AHCY: variants seen among roughly 807,000 people sequenced by gnomAD.
AHCY encodes adenosylhomocysteinase.
AHCY carries 24 observed loss-of-function variants against 45.4 expected under a neutral mutation model. The observed-to-expected ratio is 0.53, with a 90% CI of 0.38 to 0.74. AHCY has a LOEUF of 0.74. Ranked by LOEUF, AHCY falls within the 30% of genes least tolerant of loss-of-function variation. The pLI, the probability that AHCY is intolerant of heterozygous loss-of-function variation, is 0.00. For missense variants in AHCY, 449 were observed against 594.1 expected (o/e 0.76, Z 2.54); for synonymous variants, 245 against 235.1 (o/e 1.04, Z -0.39).
At chr20:34,236,355 C>T in the AHCY span, among the ~76,000 whole-genome samples, 1 of 151,900 alleles carries the variant, frequency 6.6e-6, no homozygotes, top group East Asian at 1.9e-4. Flanking sequence ...GCCTGGCCAA[C>T]ATGGTGAAAC....
At chr20:34,283,306 G>A (rs886471158) in intron 9 of AHCY, among the ~76,000 whole-genome samples, 1 of 152,078 alleles carries the variant, frequency 6.6e-6, no homozygotes, top group African/African-American at 2.4e-5. Flanking sequence ...AGAGCAAGTC[G>A]GTCTCTACAC....
At chr20:34,261,524 C>T in the AHCY span, among the ~76,000 whole-genome samples, 2 of 152,278 alleles carry the variant, frequency 1.3e-5, no homozygotes, top group East Asian at 1.9e-4. Flanking sequence ...GTCCTAGCTA[C>T]TTGGGAGGCT....
chr20:34,284,187 G>T (rs536754880), intron 9 of AHCY, among the ~76,000 whole-genome samples: 5 of 152,040 alleles, frequency 3.3e-5, no homozygotes, highest in African/African-American at 1.2e-4. Context: ...TTGAGACAGG[G>T]TCTCACTCTG....
Position 34,290,782 on chromosome 20 carries a change from C to G in AHCY, c.715G>C (p.Val239Leu). 1 of 1,614,040 alleles carries G rather than the reference C, an allele frequency of 6.2e-7. No individual in the cohort carries two copies. The highest frequency in any genetic ancestry group is 8.5e-7 in the Non-Finnish European group (1 of 1,180,028). ...AQALRGFGAR[V>L]IITEIDPINA... ...ATGGGGTCAATCTCGGTGATGATGA[C>G]GCGGGCTCCGAAACCCCGCAGGGCC... Residue 239 changes from valine (V) to leucine (L), a missense_variant, in exon 6 of 10, where the codon GTC becomes CTC. Val to Leu is a conservative substitution (Grantham distance 32). Transcript: ENST00000217426. This position sits in a 1 kb window ranked among gnomAD's most constrained non-coding sequence, Gnocchi z 4.5.
At position 34,303,348 on chromosome 20, in the gene AHCY, G is replaced by A. The variant is rs538223864; in HGVS notation, c.-78C>T. 6 of 1,540,598 alleles carry A rather than the reference G, an allele frequency of 3.9e-6. No homozygotes were observed. Among genetic ancestry groups the A allele is most frequent in the Non-Finnish European group, 4.4e-6 (5 of 1,136,968 alleles). On this transcript the variant is annotated 5_prime_UTR_variant, in exon 1 of 10. Coordinates refer to ENST00000217426, the MANE Select transcript of AHCY (RefSeq NM_000687.4). ...GAACAGGAACTGGGCGGGCAGCGCC[G>A]AGCAGGGATATGCGCGTGGCGCCGA...
intron 1 of AHCY, 66 bp downstream of exon 1, chr20:34,303,177 C>G: frequency 6.5e-7 from 1 of 1,548,766 alleles, no homozygotes; most frequent in Non-Finnish European, 8.7e-7. Context: ...CCCTGCAGCC[C>G]CCGCCACGAA....
At chr20:34,284,341 T>C (rs562678716) in intron 9 of AHCY, among the ~76,000 whole-genome samples, 1 of 152,186 alleles carries the variant, frequency 6.6e-6, no homozygotes, top group East Asian at 1.9e-4. Context: ...TTTGTATTTT[T>C]AGTAGAGATG....
At chr20:34,233,334 A>G in the AHCY span, among the ~76,000 whole-genome samples, 1 of 151,814 alleles carries the variant, frequency 6.6e-6, no homozygotes, top group Admixed American at 6.6e-5. Flanking sequence ...TTTTTAGTAG[A>G]GATGGGGTTT....
chr20:34,298,378 C>T (rs2036641291), intron 1 of AHCY, among the ~76,000 whole-genome samples: 1 of 151,756 alleles, frequency 6.6e-6, no homozygotes, highest in Non-Finnish European at 1.5e-5. Flanking sequence ...CTAGGAAAAA[C>T]CAGGCCATAC....
At chr20:34,275,682 C>CTTT (rs57480737), downstream of AHCY, among the ~76,000 whole-genome samples, 414 of 140,144 alleles carry the variant, frequency 3.0e-3, 3 homozygotes, top group African/African-American at 0.01. Context: ...TTATATCTTT[C>CTTT]TTTTTTTTTT....
chr20:34,234,623 G>A, the AHCY span, among the ~76,000 whole-genome samples: 5 of 151,776 alleles, frequency 3.3e-5, no homozygotes, highest in Non-Finnish European at 7.4e-5. Flanking sequence ...CCAACATGGC[G>A]AAACCCCATC....
At chr20:34,235,883 AAGGAAGGAAGGAAGGAAAGG>A in the AHCY span, among the ~76,000 whole-genome samples, 5 of 102,382 alleles carry the variant, frequency 4.9e-5, no homozygotes, top group South Asian at 3.9e-4. Flanking sequence ...GGAAGGAAGG[AAGGAAGGAAGGAAGGAAAGG>A]AAGGAAGGAA....
chr20:34,248,456 T>C, the AHCY span, among the ~76,000 whole-genome samples: 5 of 152,198 alleles, frequency 3.3e-5, no homozygotes, highest in African/African-American at 1.2e-4. Flanking sequence ...CTGGAAATCA[T>C]TGTCTATTTT....
intron 8 of AHCY, among the ~76,000 whole-genome samples, chr20:34,289,978 C>T (rs561885710): frequency 6.6e-6 from 1 of 152,318 alleles, no homozygotes; most frequent in South Asian, 2.1e-4. Flanking sequence ...GTCCATCCAC[C>T]CCAGCACTCC....
the AHCY span, among the ~76,000 whole-genome samples, chr20:34,258,820 C>CTA: frequency 2.9e-5 from 3 of 105,210 alleles, no homozygotes; most frequent in Non-Finnish European, 5.6e-5. Context: ...ATATATAATA[C>CTA]TATATATAGT....
At chr20:34,308,782 T>C (rs569035203) in intron 1 of AHCY, among the ~76,000 whole-genome samples, 8 of 150,624 alleles carry the variant, frequency 5.3e-5, no homozygotes, top group African/African-American at 2.0e-4. Context: ...GCCTCCTGAG[T>C]AGCTGGGATT....
chr20:34,276,198 TG>T (rs1277032059), downstream of AHCY, among the ~76,000 whole-genome samples: 2 of 152,172 alleles, frequency 1.3e-5, no homozygotes, highest in African/African-American at 2.4e-5. Context: ...CCAGCAGCAT[TG>T]GGAAACACTG....
At chr20:34,241,603 T>C in the AHCY span, 2 of 928,628 alleles carry the variant, frequency 2.2e-6, no homozygotes, top group Non-Finnish European at 1.3e-6. Flanking sequence ...AACAGATTTT[T>C]TTGATTCACT....
intron 9 of AHCY, among the ~76,000 whole-genome samples, chr20:34,282,559 C>G (rs2036038004): frequency 6.6e-6 from 1 of 152,212 alleles, no homozygotes; most frequent in Admixed American, 6.5e-5. Flanking sequence ...GTTTCTATCA[C>G]TTGTGACCAA....
Sources: gnomAD v4.1 joint callset for allele counts (sites outside exome capture counted in the v4.1 genomes callset) on GRCh38, gnomAD v4.1.1 for gene constraint, Gnocchi (gnomAD v3.1) non-coding constraint, MANE v1.5 for transcripts, NCBI Gene and HGNC (gene_info 2026-07-23, HGNC 2026-07-21) for gene names.